The following REST variants were observed in gnomAD, a reference collection of about 807,000 sequenced individuals.
The protein encoded by REST is RE1 silencing transcription factor.
Under a neutral mutation model 30.4 loss-of-function variants are expected in REST, and 1 was observed. The observed-to-expected ratio is 0.03, with a 90% confidence interval of 0.01 to 0.16. REST has a LOEUF of 0.16. Among genes scored for constraint, REST ranks in the 10% least tolerant of loss-of-function variants. The probability of loss-of-function intolerance (pLI) is 1.00; values close to 1 mark genes in which losing one functional copy is unlikely to be tolerated. For missense variants in REST, 1,259 were observed against 1,329.5 expected (o/e 0.95, Z 0.82); for synonymous variants, 504 against 451.1 (o/e 1.12, Z -1.49).
intron 2 of REST, among the ~76,000 whole-genome samples, chr4:56,917,006 C>A (rs567325087): frequency 5.3e-5 from 8 of 149,704 alleles, no homozygotes; most frequent in Admixed American, 2.1e-4. Context: ...TTCAGCACAT[C>A]CTTAGCAATA....
rs1720967942 is a variant in REST at position 56,931,444 on chromosome 4, A to G, written c.2586A>G (p.Pro862=). 1 of 1,614,088 alleles carries G rather than the reference A, an allele frequency of 6.2e-7. No individual in the cohort carries two copies. Among genetic ancestry groups the G allele is most frequent in the Non-Finnish European group, 8.5e-7 (1 of 1,180,040 alleles). ...KESVSTEDLS[P]PSPPLPKENL... is the part of the protein sequence containing the mutation. The stretch of plus-strand genomic sequence containing the variant: ...GTGTAAGCACAGAGGATCTCTCACC[A>G]CCATCACCACCACTGCCAAAGGAAA... The change falls in exon 4 of 4, where the codon CCA becomes CCG. Residue 862 remains proline, a synonymous_variant. Transcript: ENST00000309042.
chr4:56,921,534 C>G (rs1720453539), intron 3 of REST, among the ~76,000 whole-genome samples: 1 of 152,052 alleles, frequency 6.6e-6, no homozygotes, highest in Non-Finnish European at 1.5e-5. Flanking sequence ...CTCAGCCTCC[C>G]CAGTAGCTGG....
intron 3 of REST, among the ~76,000 whole-genome samples, chr4:56,924,093 A>C (rs867456668): frequency 1.3e-5 from 2 of 152,046 alleles, no homozygotes; most frequent in Middle Eastern, 6.8e-3. Context: ...CCTGGCCTCA[A>C]GCAGTTCTCT....
intron 1 of REST, among the ~76,000 whole-genome samples, chr4:56,908,458 A>ACCC (rs1719724177): frequency 6.7e-6 from 1 of 150,166 alleles, no homozygotes; most frequent in South Asian, 2.1e-4. Context: ...CGTCGCCTGG[A>ACCC]CCCCCTCCCC....
chr4:56,908,708 C>T (rs888052958), intron 1 of REST, among the ~76,000 whole-genome samples: 2 of 152,034 alleles, frequency 1.3e-5, no homozygotes, highest in Non-Finnish European at 2.9e-5. Flanking sequence ...TTGAGTCAGC[C>T]CCGGGGCCCG....
intron 2 of REST, among the ~76,000 whole-genome samples, chr4:56,918,331 A>C (rs372988134): frequency 0.015 from 1,229 of 81,778 alleles, 14 homozygotes; most frequent in African/African-American, 0.065. Flanking sequence ...GTCTCTACCC[A>C]AAAAAAAAAA....
chr4:56,925,912 A>G (rs1277306), intron 3 of REST, among the ~76,000 whole-genome samples: 30,340 of 152,196 alleles, frequency 0.2, 3,565 homozygotes, highest in East Asian at 0.56. Flanking sequence ...TGCTTGCTCT[A>G]TAGATCTCCT....
Position 56,930,840 on chromosome 4 carries a change from C to G in REST, c.1982C>G (p.Pro661Arg). 6.2e-7 allele frequency: 1 copy of G among 1,612,702 alleles called. No homozygotes were observed. Among genetic ancestry groups the G allele is most frequent in the Non-Finnish European group, 8.5e-7 (1 of 1,179,202 alleles). ...PVQMEVVQEG[P>R]AQKELLPPVE... ...CAGATGGAGGTGGTTCAGGAGGGGC[C>G]TGCTCAGAAGGAGCTGCTGCCTCCC... Residue 661 changes from proline (P) to arginine (R), a missense_variant, in exon 4 of 4, where the codon CCT (proline) becomes CGT (arginine). Physicochemically the swap from Pro to Arg is moderately radical, Grantham distance 103. Transcript: ENST00000309042.
rs547326533 is a variant in REST at position 56,925,097 on chromosome 4, G to A, written c.983-4744G>A. 2.0e-3 allele frequency among the ~76,000 whole-genome samples: 302 copies of A among 151,214 alleles called. 1 individual carries two copies. The highest frequency in any genetic ancestry group is 6.7e-3 in the African/African-American group (275 of 41,144). ...GGAGAATCACTTGAACCCGGGAGAC[G>A]GTGGTTGCAGTGAGCCGAGATTGCG... On this transcript the variant is annotated intron_variant, in intron 3 of 3. Coordinates refer to ENST00000309042, the MANE Select transcript of REST (RefSeq NM_005612.5).
At chr4:56,918,669 C>T (rs562134744) in intron 2 of REST, among the ~76,000 whole-genome samples, 9 of 152,090 alleles carry the variant, frequency 5.9e-5, no homozygotes, top group Middle Eastern at 3.4e-3. Flanking sequence ...GTGATCCTCC[C>T]GCGTCAGCCT....
At position 56,930,256 on chromosome 4, in the gene REST, C is replaced by T. The variant is rs761842726; in HGVS notation, c.1398C>T (p.Val466=). Residue 466 remains valine, a synonymous_variant, in exon 4 of 4, where the codon GTC becomes GTT. Transcript: ENST00000309042. ...DVAGKKNEKS[V]KAEKRDVSKE... The stretch of plus-strand genomic sequence containing the variant: ...CTGGAAAGAAAAATGAAAAGTCCGT[C>T]AAAGCAGAGAAAAGAGATGTCTCAA... The T allele has an allele frequency of 1.5e-5, 24 of 1,610,838 alleles. No homozygotes were observed. The highest frequency in any genetic ancestry group is 2.0e-5 in the Non-Finnish European group (24 of 1,179,392).
chr4:56,918,515 T>C (rs1664804844), intron 2 of REST, among the ~76,000 whole-genome samples: 1 of 152,016 alleles, frequency 6.6e-6, no homozygotes, highest in African/African-American at 2.4e-5. Context: ...AAAAAGAAAA[T>C]TGATGACCTT....
chr4:56,913,708 A>C (rs1720037663), intron 2 of REST, among the ~76,000 whole-genome samples: 1 of 151,826 alleles, frequency 6.6e-6, no homozygotes, highest in African/African-American at 2.4e-5. Context: ...GAGTGCAGTG[A>C]CGCGATCTCG....
In REST at chr4:56,935,196, G is replaced by A. The variant is rs1289507483; in HGVS notation, c.*3044G>A. On this transcript the variant is annotated 3_prime_UTR_variant, in exon 4 of 4. Transcript: ENST00000309042. ...TAGACCTCATTGCATGTCACCCTAT[G>A]AATGTTGACAATGGAAGGAATACCT... 3 of 152,136 alleles carry A rather than the reference G, an allele frequency of 2.0e-5. No individual in the cohort carries two copies. The highest frequency in any genetic ancestry group is 4.4e-5 in the Non-Finnish European group (3 of 68,026). The allele number at this position is 152,136 out of a possible 1,614,324, so 9.4% of individuals were successfully genotyped here.
rs1226342266 is a variant in REST, at chr4:56,931,831, A to G, written c.2973A>G (p.Ala991=). The change falls in exon 4 of 4, where the codon GCA becomes GCG. Residue 991 remains alanine, a synonymous_variant. Transcript: ENST00000309042. Reference sequence around the variant, plus strand: ...AAGCAGTGTCCAAAACTGCACTGGCATCACCTCCTGCTACAATGGCAGCAA... The same window carrying G: ...AAGCAGTGTCCAAAACTGCACTGGCGTCACCTCCTGCTACAATGGCAGCAA... ...EREAVSKTAL[A]SPPATMAANE... 6.2e-7 allele frequency: 1 copy of G among 1,614,236 alleles called. No homozygotes were observed. The highest frequency in any genetic ancestry group is 8.5e-7 in the Non-Finnish European group (1 of 1,180,038).
At chr4:56,921,053 A>G (rs1035796984) in intron 3 of REST, among the ~76,000 whole-genome samples, 7 of 151,868 alleles carry the variant, frequency 4.6e-5, no homozygotes, top group Non-Finnish European at 8.8e-5. Flanking sequence ...TTTAGTAGAG[A>G]TGGGGTTTCA....
Position 56,930,695 on chromosome 4 carries a change from A to T in REST, c.1837A>T (p.Met613Leu). 6.2e-7 allele frequency: 1 copy of T among 1,611,568 alleles called. No individual in the cohort carries two copies. Among genetic ancestry groups the T allele is most frequent in the Non-Finnish European group, 8.5e-7 (1 of 1,179,372 alleles). ...ATCTGCTCAGATGGACCCTCCTCAGATGGGGCCTGCTCCCACAGAGGCGGT... is the reference window on the plus strand; with the variant it reads ...ATCTGCTCAGATGGACCCTCCTCAGTTGGGGCCTGCTCCCACAGAGGCGGT... Reference protein sequence around the residue: ...KGSAQMDPPQMGPAPTEAVQK... With the variant: ...KGSAQMDPPQLGPAPTEAVQK... The change falls in exon 4 of 4, where the codon ATG becomes TTG. Residue 613 changes from methionine (M) to leucine (L), a missense_variant. Transcript: ENST00000309042.
chr4:56,930,166 C>G lies in REST; in HGVS notation c.1308C>G (p.Asp436Glu), dbSNP rs754044227. 4.3e-6 allele frequency: 7 copies of G among 1,612,964 alleles called. No individual in the cohort carries two copies. The South Asian group carries it at 5.5e-5, about 13-fold the overall frequency. The change falls in exon 4 of 4, where the codon GAC becomes GAG. Residue 436 changes from aspartate (D) to glutamate (E), a missense_variant. This residue lies in a region of REST where 856 missense variants were observed against 772.8 expected (regional missense o/e 1.11). Coordinates refer to ENST00000309042, the MANE Select transcript of REST (RefSeq NM_005612.5). ...KLKKTKKREA[D>E]LPDNITNEKT... is the part of the protein sequence containing the mutation. ...AGAAAACCAAAAAACGAGAGGCTGA[C>G]TTGCCTGATAATATTACCAATGAAA...
rs1284911682 is a variant in REST, at chr4:56,933,548, A to G, written c.*1396A>G. ...AGATTTTTTAAAATCATACTTTCTC[A>G]GGGATCTCCACAAACTGGTGGGTGT... On this transcript the variant is annotated 3_prime_UTR_variant, in exon 4 of 4. Coordinates refer to ENST00000309042, the MANE Select transcript of REST (RefSeq NM_005612.5). The G allele has an allele frequency of 1.3e-5, 2 of 152,180 alleles. No individual in the cohort carries two copies. The highest frequency in any genetic ancestry group is 4.8e-5 in the African/African-American group (2 of 41,440). The allele number at this position is 152,180 out of a possible 1,614,324, so 9.4% of individuals were successfully genotyped here.
Sources: allele counts gnomAD v4.1 joint callset (sites outside exome capture counted in the v4.1 genomes callset), GRCh38; gene constraint gnomAD v4.1.1; regional missense constraint gnomAD v4.1.1; transcripts MANE v1.5; gene names NCBI Gene and HGNC (gene_info 2026-07-23, HGNC 2026-07-21).